Variants in SH3RF3 observed in about 807,000 individuals in gnomAD.
SH3RF3 encodes the protein E3 ubiquitin-protein ligase SH3RF3.
A neutral mutation model predicts 66.3 loss-of-function variants in SH3RF3; 29 were observed. That is an observed-to-expected ratio of 0.44 (90% CI 0.33 to 0.60). The LOEUF is 0.60. SH3RF3 is among the 20% of genes least tolerant of loss of function. SH3RF3 has a pLI of 0.04. For synonymous variants in SH3RF3, 583 were observed against 532.0 expected (o/e 1.10, Z -1.32); for missense variants, 1,194 against 1,190.9 (o/e 1.00, Z -0.04).
intron 1 of SH3RF3, among the ~76,000 whole-genome samples, chr2:109,134,195 G>T (rs1220954606): frequency 5.3e-5 from 8 of 152,218 alleles, no homozygotes; most frequent in African/African-American, 1.9e-4. Flanking sequence ...GGCCCAGAGA[G>T]ATTGATATTT....
chr2:109,486,937 T>C (rs1678996599), intron 8 of SH3RF3, among the ~76,000 whole-genome samples: 1 of 152,194 alleles, frequency 6.6e-6, no homozygotes, highest in Admixed American at 6.5e-5. Flanking sequence ...CTGTTTGGTT[T>C]TCTCCCTGTG....
chr2:109,161,842 C>A (rs189457131), intron 1 of SH3RF3, among the ~76,000 whole-genome samples: 2 of 152,058 alleles, frequency 1.3e-5, no homozygotes, highest in South Asian at 4.2e-4. Context: ...CATCGGGCCC[C>A]GTCCAACATT....
At position 109,493,101 on chromosome 2, in the gene SH3RF3, T is replaced by C. The variant is rs1327001447; in HGVS notation, c.2480+2165T>C. On this transcript the variant is annotated intron_variant, in intron 9 of 9. Coordinates refer to ENST00000309415, the MANE Select transcript of SH3RF3 (RefSeq NM_001099289.3). ...TACACCATACATACAAACATACACA[T>C]ACACCACAGATACATCATATAAACA... 2.1e-3 allele frequency among the ~76,000 whole-genome samples: 176 copies of C among 82,206 alleles called. 1 individual carries two copies. Among genetic ancestry groups the C allele is most frequent in the African/African-American group, 7.3e-3 (168 of 23,080 alleles). The allele number at this position is 82,206 out of a possible 152,430, so 53.9% of individuals were successfully genotyped here. A position where few individuals can be genotyped will look rare whatever the true frequency, so the allele number is the denominator to read the frequency against.
At chr2:109,352,074 A>G (rs1682850394) in intron 2 of SH3RF3, among the ~76,000 whole-genome samples, 1 of 152,162 alleles carries the variant, frequency 6.6e-6, no homozygotes, top group Non-Finnish European at 1.5e-5. Context: ...ATGCATGGTG[A>G]CTCGAACATT....
At chr2:109,372,093 G>A (rs1222152403) in intron 3 of SH3RF3, among the ~76,000 whole-genome samples, 4 of 152,314 alleles carry the variant, frequency 2.6e-5, no homozygotes, top group Admixed American at 1.3e-4. Flanking sequence ...CACTGCACAC[G>A]GATTGGAAGG....
intron 1 of SH3RF3, among the ~76,000 whole-genome samples, chr2:109,213,778 C>CTGTGGTGTGGTGTGATAGGG (rs1553485603): frequency 3.3e-5 from 5 of 152,220 alleles, no homozygotes; most frequent in African/African-American, 1.2e-4. Flanking sequence ...CGTGGTCTCA[C>CTGTGGTGTGGTGTGATAGGG]TGTGGTGTGG....
intron 4 of SH3RF3, among the ~76,000 whole-genome samples, chr2:109,404,289 C>G (rs1676391027): frequency 6.6e-6 from 1 of 152,204 alleles, no homozygotes; most frequent in South Asian, 2.1e-4. Flanking sequence ...GATGAGAATG[C>G]TGAAAAGGAA....
chr2:109,341,534 G>A (rs1682552719), intron 1 of SH3RF3, among the ~76,000 whole-genome samples: 1 of 152,188 alleles, frequency 6.6e-6, no homozygotes, highest in African/African-American at 2.4e-5. Flanking sequence ...GAGACTTCCT[G>A]AGTGAGTCAG....
intron 1 of SH3RF3, among the ~76,000 whole-genome samples, chr2:109,149,459 C>A (rs983886050): frequency 6.6e-6 from 1 of 152,210 alleles, no homozygotes; most frequent in African/African-American, 2.4e-5. Flanking sequence ...GAGGTTGCCA[C>A]AGCATTTCAT....
intron 1 of SH3RF3, chr2:109,251,564 T>A (rs933189010): frequency 2.4e-5 from 19 of 804,446 alleles, no homozygotes; most frequent in Non-Finnish European, 3.8e-5. Context: ...TGTGTGGAGA[T>A]GGCGACTGGT....
chr2:109,231,892 A>C (rs1415504851), intron 1 of SH3RF3, among the ~76,000 whole-genome samples: 1 of 152,220 alleles, frequency 6.6e-6, no homozygotes, highest in Non-Finnish European at 1.5e-5. Flanking sequence ...ATGCCATGTA[A>C]TTTGCCCTTT....
intron 4 of SH3RF3, among the ~76,000 whole-genome samples, chr2:109,415,543 C>G (rs954009582): frequency 1.3e-5 from 2 of 152,254 alleles, no homozygotes; most frequent in East Asian, 3.9e-4. Flanking sequence ...TGCCCTCTGC[C>G]GGTGCAGGCT....
chr2:109,197,770 G>A (rs1436549876), intron 1 of SH3RF3, among the ~76,000 whole-genome samples: 1 of 152,240 alleles, frequency 6.6e-6, no homozygotes, highest in Non-Finnish European at 1.5e-5. Context: ...CACTGGCCCT[G>A]CCTGAGGAAG....
At chr2:109,457,316 G>T (rs1009457861) in intron 8 of SH3RF3, among the ~76,000 whole-genome samples, 1 of 152,202 alleles carries the variant, frequency 6.6e-6, no homozygotes, top group South Asian at 2.1e-4. Context: ...ATCAAAGGAG[G>T]GGTTAATTTT....
chr2:109,145,441 G>T (rs1211657912), intron 1 of SH3RF3, among the ~76,000 whole-genome samples: 2 of 152,218 alleles, frequency 1.3e-5, no homozygotes, highest in South Asian at 4.2e-4. Context: ...TGGAAGACCG[G>T]TCGCCTTCAC....
chr2:109,425,272 C>G (rs1386530479), intron 5 of SH3RF3, among the ~76,000 whole-genome samples: 1 of 152,212 alleles, frequency 6.6e-6, no homozygotes, highest in Admixed American at 6.5e-5. Flanking sequence ...ATCTCTGCAA[C>G]ATAAAAGTAC....
chr2:109,160,476 G>A (rs1019862352), intron 1 of SH3RF3, among the ~76,000 whole-genome samples: 30 of 152,358 alleles, frequency 2.0e-4, no homozygotes, highest in South Asian at 4.1e-4. Context: ...CCAAGAGGAC[G>A]CAGCTGAAAG....
intron 8 of SH3RF3, among the ~76,000 whole-genome samples, chr2:109,466,759 A>G (rs1322912096): frequency 2.6e-5 from 4 of 152,040 alleles, no homozygotes; most frequent in Admixed American, 2.0e-4. Flanking sequence ...TTGTGTGTCT[A>G]TATCTGTGTG....
intron 3 of SH3RF3, among the ~76,000 whole-genome samples, chr2:109,386,493 C>T (rs1466936735): frequency 6.6e-6 from 1 of 152,090 alleles, no homozygotes; most frequent in Non-Finnish European, 1.5e-5. Flanking sequence ...GGCGGGCTGT[C>T]CCTCAAACAA....
Sources: gnomAD v4.1 joint callset for allele counts (sites outside exome capture counted in the v4.1 genomes callset) on GRCh38, gnomAD v4.1.1 for gene constraint, MANE v1.5 for transcripts, NCBI Gene and HGNC (gene_info 2026-07-23, HGNC 2026-07-21) for gene names.